KCNH7: variants seen among roughly 807,000 people sequenced by gnomAD.
KCNH7 encodes the protein voltage-gated inwardly rectifying potassium channel KCNH7.
A neutral mutation model predicts 120.8 loss-of-function variants in KCNH7; 49 were observed. That is an observed-to-expected ratio of 0.41 (90% CI 0.32 to 0.51). The LOEUF (loss-of-function observed/expected upper bound fraction) is 0.51, where lower values mean the gene tolerates loss of function less well. KCNH7 is among the 20% of genes least tolerant of loss of function. The probability of loss-of-function intolerance (pLI) is 0.38; values close to 1 mark genes in which losing one functional copy is unlikely to be tolerated. For missense variants in KCNH7, 1,097 were observed against 1,446.6 expected, an observed-to-expected ratio of 0.76 and a Z score of 3.92; for synonymous variants, 547 against 516.1, an observed-to-expected ratio of 1.06 and a Z score of -0.81.
chr2:162,441,235 A>T (rs1211476085), intron 7 of KCNH7, among the ~76,000 whole-genome samples: 2 of 152,190 alleles, frequency 1.3e-5, no homozygotes, highest in African/African-American at 2.4e-5. Context: ...TAAAAGTTGA[A>T]CATGATTATA....
intron 3 of KCNH7, among the ~76,000 whole-genome samples, chr2:162,534,441 T>G (rs1692037016): frequency 6.6e-6 from 1 of 151,394 alleles, no homozygotes; most frequent in African/African-American, 2.4e-5. Context: ...AACTGAGGAT[T>G]TTTTTAAAAA....
intron 2 of KCNH7, among the ~76,000 whole-genome samples, chr2:162,607,220 CAAAAAAAAAAA>C (rs34786286): frequency 8.9e-6 from 1 of 111,970 alleles, no homozygotes; most frequent in Non-Finnish European, 2.0e-5. Flanking sequence ...ACTAAAAATA[CAAAAAAAAAAA>C]AAAAAAAAAA....
At chr2:162,422,322 G>A (rs1380033470) in intron 9 of KCNH7, among the ~76,000 whole-genome samples, 4 of 152,204 alleles carry the variant, frequency 2.6e-5, no homozygotes, top group South Asian at 4.1e-4. Flanking sequence ...TAGTGGTCAA[G>A]CAGAAAGTAC....
chr2:162,720,988 C>T (rs1347788456), intron 2 of KCNH7, among the ~76,000 whole-genome samples: 1 of 152,038 alleles, frequency 6.6e-6, no homozygotes, highest in South Asian at 2.1e-4. Context: ...AACAATAAAT[C>T]AAATCCTGAG....
chr2:162,583,679 C>T (rs573361915), intron 2 of KCNH7, among the ~76,000 whole-genome samples: 3 of 152,108 alleles, frequency 2.0e-5, no homozygotes, highest in African/African-American at 7.2e-5. Context: ...GATTTATAAT[C>T]CTAATGCATT....
intron 2 of KCNH7, among the ~76,000 whole-genome samples, chr2:162,834,894 A>G (rs1199347865): frequency 6.6e-6 from 1 of 152,154 alleles, no homozygotes; most frequent in Non-Finnish European, 1.5e-5. Flanking sequence ...GAAATGGTCT[A>G]GAAAACATAA....
At chr2:162,576,647 G>T (rs551257844) in intron 2 of KCNH7, among the ~76,000 whole-genome samples, 3 of 108,336 alleles carry the variant, frequency 2.8e-5, no homozygotes, top group South Asian at 3.1e-4. Flanking sequence ...AGTGTTTTGG[G>T]TTTTTTGGGG....
intron 2 of KCNH7, among the ~76,000 whole-genome samples, chr2:162,578,384 T>TACATACATATATAATATCA (rs1693758465): frequency 6.6e-6 from 1 of 152,024 alleles, no homozygotes; most frequent in African/African-American, 2.4e-5. Context: ...GTCCTTATCA[T>TACATACATATATAATATCA]GTCCTGGTAA....
At chr2:162,645,168 T>TA (rs1259243882) in intron 2 of KCNH7, among the ~76,000 whole-genome samples, 2 of 151,984 alleles carry the variant, frequency 1.3e-5, no homozygotes, top group Non-Finnish European at 2.9e-5. Flanking sequence ...CATTTTTTTT[T>TA]AACAGAATTT....
At chr2:162,476,293 C>T (rs1355619101) in intron 6 of KCNH7, among the ~76,000 whole-genome samples, 1 of 152,130 alleles carries the variant, frequency 6.6e-6, no homozygotes, top group Non-Finnish European at 1.5e-5. Context: ...TGTTAATATT[C>T]CAAGACATAT....
At chr2:162,434,220 G>A (rs190647227) in intron 8 of KCNH7, among the ~76,000 whole-genome samples, 36 of 152,058 alleles carry the variant, frequency 2.4e-4, no homozygotes, top group Non-Finnish European at 2.2e-4. Flanking sequence ...TAGACATGGA[G>A]GACTAGTAGA....
At chr2:162,373,913 C>T (rs1255016680) in intron 14 of KCNH7, among the ~76,000 whole-genome samples, 1 of 152,126 alleles carries the variant, frequency 6.6e-6, no homozygotes, top group African/African-American at 2.4e-5. Flanking sequence ...ACAAAATAGA[C>T]TACATGTTTA....
chr2:162,740,904 T>A (rs1318158050), intron 2 of KCNH7, among the ~76,000 whole-genome samples: 2 of 152,194 alleles, frequency 1.3e-5, no homozygotes, highest in African/African-American at 2.4e-5. Flanking sequence ...AAGTACTTTT[T>A]CGGACTTTCT....
chr2:162,719,829 G>T (rs1687260846), intron 2 of KCNH7, among the ~76,000 whole-genome samples: 1 of 151,942 alleles, frequency 6.6e-6, no homozygotes, highest in Non-Finnish European at 1.5e-5. Flanking sequence ...ACATGAATTT[G>T]CCATGCAGAC....
At chr2:162,400,055 G>T in intron 10 of KCNH7, 134 bp downstream of exon 10, 2 of 953,584 alleles carry the variant, frequency 2.1e-6, no homozygotes, top group Admixed American at 2.5e-5. Flanking sequence ...AATTTTAAAT[G>T]CAGCTTTCAA....
rs1684916037 is a variant in KCNH7, at chr2:162,660,363, A to C, written c.308-123283T>G. Among the ~76,000 whole-genome samples, 2 of 152,222 alleles carry C rather than the reference A, an allele frequency of 1.3e-5. 1 individual carries two copies. Among genetic ancestry groups the C allele is most frequent in the South Asian group, 4.2e-4 (2 of 4,814 alleles). Reference sequence around the variant, plus strand: ...GTTCAAAGTCTTTTTAATTTCTCTTAAAATTTCTTGTTTGACCCATGTGTT... The same window carrying C: ...GTTCAAAGTCTTTTTAATTTCTCTTCAAATTTCTTGTTTGACCCATGTGTT... On this transcript the variant is annotated intron_variant, in intron 2 of 15. Coordinates refer to ENST00000332142, the MANE Select transcript of KCNH7 (RefSeq NM_033272.4).
At chr2:162,796,785 A>G (rs1223253951) in intron 2 of KCNH7, 1 of 151,884 alleles carries the variant, frequency 6.6e-6, no homozygotes, top group East Asian at 1.9e-4. Flanking sequence ...GGTGGCATTC[A>G]TATTTGTTTG....
At chr2:162,751,121 G>C (rs1688527629) in intron 2 of KCNH7, among the ~76,000 whole-genome samples, 1 of 152,094 alleles carries the variant, frequency 6.6e-6, no homozygotes, top group Non-Finnish European at 1.5e-5. Flanking sequence ...AGGCTCATCA[G>C]ATTTCTGGAT....
intron 2 of KCNH7, among the ~76,000 whole-genome samples, chr2:162,740,738 C>G (rs1311278332): frequency 6.6e-6 from 1 of 152,134 alleles, no homozygotes; most frequent in Non-Finnish European, 1.5e-5. Context: ...TCAGGGAATG[C>G]CATCTAATAA....
Sources: gnomAD v4.1 joint callset for allele counts (sites outside exome capture counted in the v4.1 genomes callset) on GRCh38, gnomAD v4.1.1 for gene constraint, MANE v1.5 for transcripts, NCBI Gene and HGNC (gene_info 2026-07-23, HGNC 2026-07-21) for gene names.